PAX5: variants seen among roughly 807,000 people sequenced by gnomAD.
PAX5 encodes the protein paired box 5.
A neutral mutation model predicts 43.7 loss-of-function variants in PAX5; 9 were observed. The ratio of observed to expected loss-of-function variants is 0.21; its 90% confidence interval spans 0.12 to 0.36. The LOEUF (loss-of-function observed/expected upper bound fraction) is 0.36, where lower values mean the gene tolerates loss of function less well. Ranked by LOEUF, PAX5 falls within the 10% of genes least tolerant of loss-of-function variation. The pLI, the probability that PAX5 is intolerant of heterozygous loss-of-function variation, is 1.00. For synonymous variants in PAX5, 228 were observed against 214.3 expected (o/e 1.06, Z -0.56); for missense variants, 383 against 532.7 (o/e 0.72, Z 2.77).
chr9:36,853,926 C>T (rs1221703624), intron 8 of PAX5, among the ~76,000 whole-genome samples: 2 of 152,186 alleles, frequency 1.3e-5, no homozygotes, highest in Admixed American at 1.3e-4. Context: ...TAACCCAAAA[C>T]GACACCTGCC....
chr9:36,994,737 A>AGGC (rs1319579116), intron 5 of PAX5, among the ~76,000 whole-genome samples: 2 of 152,196 alleles, frequency 1.3e-5, no homozygotes, highest in African/African-American at 4.8e-5. Context: ...GTGGGTTGCC[A>AGGC]GGCTGCCAGC....
intron 6 of PAX5, among the ~76,000 whole-genome samples, chr9:36,947,747 A>G (rs1426730038): frequency 1.3e-5 from 2 of 151,938 alleles, no homozygotes; most frequent in Non-Finnish European, 2.9e-5. Flanking sequence ...AATTTCCAAA[A>G]CCATCACCCC....
intron 7 of PAX5, among the ~76,000 whole-genome samples, chr9:36,919,837 C>G (rs1207907230): frequency 2.0e-5 from 1 of 49,436 alleles, no homozygotes; most frequent in Non-Finnish European, 3.3e-5. Flanking sequence ...GAGACTCTGT[C>G]TCAAAAAAAA....
intron 8 of PAX5, among the ~76,000 whole-genome samples, chr9:36,857,111 G>A (rs1356388949): frequency 6.6e-6 from 1 of 152,156 alleles, no homozygotes; most frequent in Non-Finnish European, 1.5e-5. Flanking sequence ...AGCCTCAACT[G>A]GGTTTGTTCA....
Position 36,874,149 on chromosome 9 carries a change from C to T in PAX5, c.1012+7855G>A, listed in dbSNP as rs576514585. 5.9e-5 allele frequency among the ~76,000 whole-genome samples: 9 copies of T among 152,260 alleles called. No individual in the cohort carries two copies. The East Asian group carries it at 9.7e-4, about 16-fold the overall frequency. On this transcript the variant is annotated intron_variant, in intron 8 of 9. Transcript: ENST00000358127. ...CAATACCCTTCCTATCTCACACAGG[C>T]GGTGTCTCCGTAACTACACAACCAT...
In PAX5 at chr9:36,838,750, G is replaced by A. The variant is rs1270492911; in HGVS notation, c.*1810C>T. 2.6e-5 allele frequency: 6 copies of A among 233,266 alleles called. No individual in the cohort carries two copies. Among genetic ancestry groups the A allele is most frequent in the Admixed American group, 5.6e-5 (1 of 17,772 alleles). The allele number at this position is 233,266 out of a possible 1,614,324, so 14.4% of individuals were successfully genotyped here. On this transcript the variant is annotated 3_prime_UTR_variant, in exon 10 of 10. Coordinates refer to ENST00000358127, the MANE Select transcript of PAX5 (RefSeq NM_016734.3). ...CCCCAGATGATCCTCTCACAGCCCC[G>A]GCTCCCTGGAGAGAGGAGGGGAAGG...
chr9:37,026,388 G>T, intron 1 of PAX5: 2 of 662,696 alleles, frequency 3.0e-6, no homozygotes, highest in Admixed American at 3.8e-5. Context: ...CAGGTCCCCT[G>T]CCTGGGATCC....
intron 6 of PAX5, among the ~76,000 whole-genome samples, chr9:36,952,658 T>C (rs1443786959): frequency 6.6e-6 from 1 of 152,198 alleles, no homozygotes; most frequent in Non-Finnish European, 1.5e-5. Context: ...TAAGTATTAG[T>C]ACTTTCCCTA....
intron 5 of PAX5, among the ~76,000 whole-genome samples, chr9:36,978,035 A>C (rs375255992): frequency 3.9e-5 from 6 of 152,364 alleles, no homozygotes; most frequent in African/African-American, 1.4e-4. Flanking sequence ...TCCAGAACCT[A>C]ATATACACTC....
In PAX5 at chr9:36,846,830, C is replaced by T. The variant is rs199700334; in HGVS notation, c.1099+13G>A. The stretch of plus-strand genomic sequence containing the variant: ...TGGCCCAAGGGCCCCGCAGGGCCTC[C>T]GCCAGTACTCACCAAGCAGCCCCGG... On this transcript the variant is annotated intron_variant, in intron 9 of 9. Coordinates refer to ENST00000358127, the MANE Select transcript of PAX5 (RefSeq NM_016734.3). 1,512 of 1,607,654 alleles carry T rather than the reference C, an allele frequency of 9.4e-4. 3 individuals are homozygous for T. Among genetic ancestry groups the T allele is most frequent in the Non-Finnish European group, 1.2e-3 (1,395 of 1,174,384 alleles).
chr9:37,018,234 TTTC>T, intron 2 of PAX5, among the ~76,000 whole-genome samples: 1 of 152,200 alleles, frequency 6.6e-6, no homozygotes, highest in African/African-American at 2.4e-5. Context: ...ATCCCTAGTG[TTTC>T]TTCTTACTGT....
chr9:36,842,983 C>T lies in PAX5; in HGVS notation c.1100-2347G>A, dbSNP rs535549309. 1.7e-4 allele frequency among the ~76,000 whole-genome samples: 26 copies of T among 152,002 alleles called. 1 individual carries two copies. In the East Asian group the frequency reaches 4.1e-3, roughly 24 times the overall value. ...TGGGCAGCACATGCGAGGGTGTGTGCGAGTGGGAGTGGGGATGTGAGCATG... is the reference window on the plus strand; with the variant it reads ...TGGGCAGCACATGCGAGGGTGTGTGTGAGTGGGAGTGGGGATGTGAGCATG... On this transcript the variant is annotated intron_variant, in intron 9 of 9. Transcript: ENST00000358127.
intron 6 of PAX5, among the ~76,000 whole-genome samples, chr9:36,938,896 A>G (rs1563988615): frequency 1.3e-5 from 2 of 152,200 alleles, no homozygotes; most frequent in Non-Finnish European, 2.9e-5. Context: ...TGGGAAGAAC[A>G]TTTTCATTAC....
intron 1 of PAX5, among the ~76,000 whole-genome samples, chr9:37,024,879 G>A (rs1840176372): frequency 6.6e-6 from 1 of 152,244 alleles, no homozygotes. Context: ...CACAGTGAGG[G>A]CCTGTGGATT....
intron 8 of PAX5, among the ~76,000 whole-genome samples, chr9:36,848,698 ATTGGGCTACTGTGGCAGAGG>A (rs1822846611): frequency 6.6e-6 from 1 of 152,144 alleles, no homozygotes; most frequent in South Asian, 2.1e-4. Flanking sequence ...AGCCCAGGGC[ATTGGGCTACTGTGGCAGAGG>A]CCACCTCTGC....
intron 8 of PAX5, among the ~76,000 whole-genome samples, chr9:36,855,867 T>C (rs1046446643): frequency 1.4e-4 from 21 of 151,996 alleles, no homozygotes; most frequent in African/African-American, 5.1e-4. Flanking sequence ...CATGTCCAAT[T>C]CTCCTATTTG....
intron 9 of PAX5, among the ~76,000 whole-genome samples, chr9:36,843,416 A>C (rs372776230): frequency 4.5e-4 from 69 of 152,312 alleles, no homozygotes; most frequent in African/African-American, 1.5e-3. Flanking sequence ...AGGTGGGATC[A>C]CTGCTTCCTC....
intron 8 of PAX5, among the ~76,000 whole-genome samples, chr9:36,858,781 G>C (rs1386759268): frequency 6.6e-6 from 1 of 151,988 alleles, no homozygotes; most frequent in Non-Finnish European, 1.5e-5. Context: ...ACTTTCCTGC[G>C]GCCCAGACCT....
At chr9:36,889,942 G>C (rs1241832315) in intron 7 of PAX5, among the ~76,000 whole-genome samples, 11 of 69,504 alleles carry the variant, frequency 1.6e-4, no homozygotes, top group South Asian at 1.2e-3. Context: ...GTACACTAAC[G>C]GGGGGGGGGG....
Sources: allele counts gnomAD v4.1 joint callset (sites outside exome capture counted in the v4.1 genomes callset), GRCh38; gene constraint gnomAD v4.1.1; transcripts MANE v1.5; gene names NCBI Gene and HGNC (gene_info 2026-07-23, HGNC 2026-07-21).